The following SDK1 variants were observed in gnomAD, a reference collection of about 807,000 sequenced individuals.
The protein encoded by SDK1 is sidekick cell adhesion molecule 1, also known as protein sidekick-1.
A neutral mutation model predicts 245.5 loss-of-function variants in SDK1; 157 were observed. The observed-to-expected ratio is 0.64, with a 90% confidence interval of 0.56 to 0.73. The LOEUF is 0.73. SDK1 is among the 30% of genes least tolerant of loss of function. The pLI is 0.00. For synonymous variants in SDK1, 1,647 were observed against 1,278.5 expected (o/e 1.29, Z -6.15); for missense variants, 3,583 against 3,002.3 (o/e 1.19, Z -4.52).
At chr7:3,397,563 T>A (rs929442413) in intron 1 of SDK1, among the ~76,000 whole-genome samples, 1 of 151,890 alleles carries the variant, frequency 6.6e-6, no homozygotes, top group South Asian at 2.1e-4. Flanking sequence ...GTTAATCTTA[T>A]AGAGGATTCC....
chr7:3,595,433 G>C (rs1240982314), intron 1 of SDK1, among the ~76,000 whole-genome samples: 1 of 151,866 alleles, frequency 6.6e-6, no homozygotes, highest in Non-Finnish European at 1.5e-5. Flanking sequence ...GACTTTGCTT[G>C]GTCTTGGGTA....
chr7:3,724,859 G>A (rs918278281), intron 4 of SDK1, among the ~76,000 whole-genome samples: 2 of 152,216 alleles, frequency 1.3e-5, no homozygotes, highest in East Asian at 1.9e-4. Context: ...CCCTTCCACC[G>A]AAGAGAACTT....
At chr7:3,554,653 T>G (rs1008512616) in intron 1 of SDK1, among the ~76,000 whole-genome samples, 4 of 152,216 alleles carry the variant, frequency 2.6e-5, no homozygotes, top group Non-Finnish European at 4.4e-5. Flanking sequence ...AAAGAGGCAC[T>G]GAGGAGAGTA....
chr7:3,719,697 G>C (rs113295713), intron 4 of SDK1, among the ~76,000 whole-genome samples: 1,990 of 152,262 alleles, frequency 0.013, 58 homozygotes, highest in African/African-American at 0.046. Flanking sequence ...ACTTTTAGGA[G>C]TCCGGGTGTG....
intron 1 of SDK1, among the ~76,000 whole-genome samples, chr7:3,373,909 T>C (rs1395586598): frequency 6.6e-6 from 1 of 152,146 alleles, no homozygotes; most frequent in Non-Finnish European, 1.5e-5. Context: ...ACTTGATAAG[T>C]ACATGATTTA....
chr7:4,106,274 C>A (rs907725959), intron 22 of SDK1, among the ~76,000 whole-genome samples: 1 of 151,842 alleles, frequency 6.6e-6, no homozygotes, highest in Non-Finnish European at 1.5e-5. Flanking sequence ...GGAGATCAGC[C>A]GCCCCACTGT....
chr7:3,398,395 A>G (rs1778783408), intron 1 of SDK1, among the ~76,000 whole-genome samples: 2 of 152,064 alleles, frequency 1.3e-5, no homozygotes, highest in South Asian at 4.1e-4. Context: ...CTGGGCTGTG[A>G]CCTTCAGAAG....
intron 1 of SDK1, among the ~76,000 whole-genome samples, chr7:3,440,628 CAG>C (rs1381354267): frequency 6.6e-6 from 1 of 152,006 alleles, no homozygotes; most frequent in Non-Finnish European, 1.5e-5. Context: ...TAGGATGTGC[CAG>C]AGAGAAGATA....
chr7:4,136,106 T>G (rs1779071008), intron 28 of SDK1, among the ~76,000 whole-genome samples: 1 of 152,216 alleles, frequency 6.6e-6, no homozygotes, highest in South Asian at 2.1e-4. Flanking sequence ...TTAAATACTT[T>G]GAGCCCTCCA....
intron 1 of SDK1, among the ~76,000 whole-genome samples, chr7:3,371,166 G>A (rs1270221901): frequency 1.3e-5 from 2 of 152,152 alleles, no homozygotes; most frequent in Non-Finnish European, 2.9e-5. Context: ...TATGTCACAC[G>A]TTACTAGCCA....
chr7:3,919,736 T>G (rs1200913008), intron 5 of SDK1, among the ~76,000 whole-genome samples: 1 of 152,152 alleles, frequency 6.6e-6, no homozygotes, highest in Non-Finnish European at 1.5e-5. Flanking sequence ...TGAAAGAACG[T>G]ATGGTTTTGT....
intron 2 of SDK1, among the ~76,000 whole-genome samples, chr7:3,633,822 C>G (rs112375001): frequency 2.6e-5 from 4 of 152,046 alleles, no homozygotes; most frequent in Non-Finnish European, 5.9e-5. Flanking sequence ...TAGAATCAGC[C>G]TGGAGATTGG....
intron 22 of SDK1, among the ~76,000 whole-genome samples, chr7:4,104,151 C>T (rs1782758056): frequency 2.0e-5 from 3 of 152,224 alleles, no homozygotes; most frequent in Non-Finnish European, 4.4e-5. Context: ...CCTAGACCCT[C>T]AGAGCTCAAG....
At chr7:3,570,990 G>A (rs915930369) in intron 1 of SDK1, among the ~76,000 whole-genome samples, 4 of 151,976 alleles carry the variant, frequency 2.6e-5, no homozygotes, top group East Asian at 1.9e-4. Flanking sequence ...AAGTACACAC[G>A]TTTGTTTTAC....
At chr7:4,180,508 C>G (rs552374474) in intron 35 of SDK1, among the ~76,000 whole-genome samples, 294 of 151,306 alleles carry the variant, frequency 1.9e-3, no homozygotes, top group African/African-American at 6.8e-3. Context: ...GTGCCTGGCT[C>G]CAGCTCTATG....
At chr7:3,811,328 A>G (rs373860643) in intron 4 of SDK1, among the ~76,000 whole-genome samples, 4 of 152,274 alleles carry the variant, frequency 2.6e-5, no homozygotes, top group African/African-American at 4.8e-5. Flanking sequence ...GGGCCTCTCT[A>G]TATTAAGACA....
At chr7:3,721,320 T>C (rs1778787032) in intron 4 of SDK1, among the ~76,000 whole-genome samples, 1 of 152,214 alleles carries the variant, frequency 6.6e-6, no homozygotes. Context: ...AGTTTCCTGG[T>C]TTTGATGTTG....
intron 4 of SDK1, among the ~76,000 whole-genome samples, chr7:3,763,621 A>C (rs1448422426): frequency 6.6e-6 from 1 of 152,218 alleles, no homozygotes; most frequent in African/African-American, 2.4e-5. Flanking sequence ...TAAAATGGAT[A>C]AATATTAAAC....
At chr7:4,106,751 C>T (rs1011554158) in intron 22 of SDK1, among the ~76,000 whole-genome samples, 6 of 152,102 alleles carry the variant, frequency 3.9e-5, no homozygotes, top group South Asian at 4.1e-4. Flanking sequence ...CTTTCTCTCC[C>T]GGGCAGCCTC....
Sources: gnomAD v4.1 joint callset for allele counts (sites outside exome capture counted in the v4.1 genomes callset) on GRCh38, gnomAD v4.1.1 for gene constraint, MANE v1.5 for transcripts, NCBI Gene and HGNC (gene_info 2026-07-23, HGNC 2026-07-21) for gene names.